ZNF814: variants seen among roughly 807,000 people sequenced by gnomAD.
The protein encoded by ZNF814 is zinc finger protein 814.
Under a neutral mutation model 7.5 loss-of-function variants are expected in ZNF814, and 5 were observed. The ratio of observed to expected loss-of-function variants is 0.67; its 90% CI spans 0.35 to 1.40. ZNF814 has a LOEUF of 1.40. Ranked by LOEUF, ZNF814 falls within the 40% of genes most tolerant of loss-of-function variation. ZNF814 has a pLI of 0.04. For missense variants in ZNF814, 962 were observed against 1,018.0 expected (o/e 0.94, Z 0.75); for synonymous variants, 315 against 340.7 (o/e 0.92, Z 0.83).
chr19:57,880,203 A>G (rs1385561157), intron 1 of ZNF814, among the ~76,000 whole-genome samples: 1 of 132,348 alleles, frequency 7.6e-6, no homozygotes, highest in East Asian at 2.4e-4. Flanking sequence ...TACCAAATGT[A>G]AATCACAATT....
At chr19:57,883,678 C>A (rs1226181770) in intron 1 of ZNF814, among the ~76,000 whole-genome samples, 3 of 145,126 alleles carry the variant, frequency 2.1e-5, no homozygotes, top group South Asian at 4.3e-4. Context: ...AAAAAAAAAT[C>A]AAAATGGATT....
Position 57,873,865 on chromosome 19 carries a change from G to A in ZNF814, c.1525C>T (p.Leu509=). 1 of 1,612,274 alleles carries A rather than the reference G, an allele frequency of 6.2e-7. No individual in the cohort carries two copies. The highest frequency in any genetic ancestry group is 8.5e-7 in the Non-Finnish European group (1 of 1,179,486). The change falls in exon 3 of 3, where the codon CTA becomes TTA. Residue 509 remains leucine (L), a synonymous_variant. Coordinates refer to ENST00000435989, the MANE Select transcript of ZNF814 (RefSeq NM_001144989.2). ...GCTCCAGTGTGAACTCGCTGGTGTA[G>A]AACGAGGTTGCCCTTTTGACTGAAA... The part of the protein sequence containing the change: ...KSFSQKGNLV[L]HQRVHTGARP...
At chr19:57,893,524 C>T (rs977293013), upstream of ZNF814, among the ~76,000 whole-genome samples, 4 of 151,324 alleles carry the variant, frequency 2.6e-5, no homozygotes, top group African/African-American at 9.7e-5. Flanking sequence ...CACCTGTAAT[C>T]CCAGCACTTT....
chr19:57,886,603 G>A (rs1449124340), intron 1 of ZNF814, among the ~76,000 whole-genome samples: 1 of 152,062 alleles, frequency 6.6e-6, no homozygotes, highest in Non-Finnish European at 1.5e-5. Flanking sequence ...AGACGGCCAG[G>A]CACGGTGGTT....
Position 57,874,612 on chromosome 19 carries a change from G to A in ZNF814, c.778C>T (p.His260Tyr). Residue 260 changes from histidine to tyrosine, a missense_variant, in exon 3 of 3, where the codon CAT becomes TAT. Physicochemically the swap from His to Tyr is moderately conservative, Grantham distance 83. Coordinates refer to ENST00000435989, the MANE Select transcript of ZNF814 (RefSeq NM_001144989.2). Reference sequence around the variant, plus strand: ...TTTTTTTCAGTGTGAACTCTCTGATGATTACTCAAGCTAGCATATTTGCTA... The same window carrying A: ...TTTTTTTCAGTGTGAACTCTCTGATAATTACTCAAGCTAGCATATTTGCTA... ...SFSKYASLSN[H>Y]QRVHTEKKHE... 2.6e-6 allele frequency: 4 copies of A among 1,552,980 alleles called. No individual in the cohort carries two copies. Among genetic ancestry groups the A allele is most frequent in the Non-Finnish European group, 3.5e-6 (4 of 1,147,514 alleles).
chr19:57,880,606 T>C (rs1218095950), intron 1 of ZNF814, among the ~76,000 whole-genome samples: 1 of 116,426 alleles, frequency 8.6e-6, no homozygotes, highest in Non-Finnish European at 1.6e-5. Context: ...GAACACCTTT[T>C]TTTTTTCTTT....
chr19:57,870,251 A>ATAAT lies in ZNF814; in HGVS notation c.*2567_*2570dup, dbSNP rs2071546039. 1 of 152,078 alleles carries ATAAT rather than the reference A, an allele frequency of 6.6e-6. No homozygotes were observed. The highest frequency in any genetic ancestry group is 2.4e-5 in the African/African-American group (1 of 41,422). 9.4% of individuals were successfully genotyped at this position (152,078 alleles called of 1,614,324 possible). A position where few individuals can be genotyped will look rare whatever the true frequency, so the allele number is the denominator to read the frequency against. On this transcript the variant is annotated 3_prime_UTR_variant, in exon 3 of 3. Transcript: ENST00000435989. ...AGAGCAAGACTCCGTCTCAAAATAA[A>ATAAT]TAATAATAATAATTAAAAAAATGCA...
intron 1 of ZNF814, among the ~76,000 whole-genome samples, chr19:57,877,668 C>A: frequency 6.6e-6 from 1 of 152,048 alleles, no homozygotes; most frequent in East Asian, 1.9e-4. Flanking sequence ...GTCTCGAACT[C>A]CTGACCTCGT....
chr19:57,900,839 A>ATTTGTTTTTTTTTTTTTTTTTT, the ZNF814 span, among the ~76,000 whole-genome samples: 1 of 45,782 alleles, frequency 2.2e-5, no homozygotes, highest in Non-Finnish European at 3.8e-5. Context: ...CCATGGCTGC[A>ATTTGTTTTTTTTTTTTTTTTTT]TTTTTTTTTT....
Position 57,870,978 on chromosome 19 carries a change from TCAAAAAAAAA to T in ZNF814, c.*1834_*1843del, listed in dbSNP as rs1384075627. 6.8e-6 allele frequency: 1 copy of T among 147,946 alleles called. No individual in the cohort carries two copies. Among genetic ancestry groups the T allele is most frequent in the Non-Finnish European group, 1.5e-5 (1 of 66,994 alleles). The allele number at this position is 147,946 out of a possible 1,614,324, so 9.2% of individuals were successfully genotyped here. A position where few individuals can be genotyped will look rare whatever the true frequency, so the allele number is the denominator to read the frequency against. ...CTGGGCAACAGGGTGAGGCTCTGCC[TCAAAAAAAAA>T]GAAAAAAAAAGAAAAAAAAGACATG... On this transcript the variant is annotated 3_prime_UTR_variant, in exon 3 of 3. Transcript: ENST00000435989.
At chr19:57,878,237 G>A (rs1010996847) in intron 1 of ZNF814, among the ~76,000 whole-genome samples, 2 of 151,246 alleles carry the variant, frequency 1.3e-5, no homozygotes, top group African/African-American at 4.9e-5. Flanking sequence ...ACCACAGAGA[G>A]CCACATGGGG....
intron 1 of ZNF814, among the ~76,000 whole-genome samples, chr19:57,884,805 G>A (rs1250524926): frequency 6.6e-6 from 1 of 152,176 alleles, no homozygotes; most frequent in African/African-American, 2.4e-5. Context: ...TACACTGTTG[G>A]TGGGAATGGA....
the ZNF814 span, among the ~76,000 whole-genome samples, chr19:57,902,550 A>G: frequency 2.0e-4 from 30 of 150,884 alleles, no homozygotes; most frequent in Non-Finnish European, 3.3e-4. Context: ...TAATAAGTAT[A>G]AAGGGGAGGG....
At chr19:57,898,901 C>CT in the ZNF814 span, among the ~76,000 whole-genome samples, 1 of 147,212 alleles carries the variant, frequency 6.8e-6, no homozygotes, top group Non-Finnish European at 1.5e-5. Context: ...GATCGTGCCA[C>CT]TGCACTCCAG....
intron 1 of ZNF814, among the ~76,000 whole-genome samples, chr19:57,879,593 C>G (rs928587950): frequency 6.7e-6 from 1 of 148,180 alleles, no homozygotes; most frequent in African/African-American, 2.5e-5. Flanking sequence ...GGCTAACGCA[C>G]CTTAGTCCAC....
chr19:57,901,676 G>C, the ZNF814 span: 2 of 355,096 alleles, frequency 5.6e-6, no homozygotes, highest in Admixed American at 1.2e-4. Context: ...CCTCCAACAT[G>C]GGGACAAATC....
the ZNF814 span, among the ~76,000 whole-genome samples, chr19:57,898,865 G>C: frequency 6.6e-6 from 1 of 151,718 alleles, no homozygotes; most frequent in Non-Finnish European, 1.5e-5. Flanking sequence ...GGCTGAACCA[G>C]GGAGGCGGAG....
intron 2 of ZNF814, among the ~76,000 whole-genome samples, chr19:57,875,939 G>A (rs1389780859): frequency 4.0e-5 from 5 of 124,938 alleles, no homozygotes; most frequent in Admixed American, 2.8e-4. Flanking sequence ...CCTCCAGGGT[G>A]CCGCTTTTTT....
the ZNF814 span, among the ~76,000 whole-genome samples, chr19:57,905,006 C>T: frequency 3.0e-5 from 4 of 135,318 alleles, 1 homozygote; most frequent in African/African-American, 1.1e-4. Flanking sequence ...AAGATTGTGC[C>T]ATTGCACTCC....
Sources: allele counts gnomAD v4.1 joint callset (sites outside exome capture counted in the v4.1 genomes callset), GRCh38; gene constraint gnomAD v4.1.1; transcripts MANE v1.5; gene names NCBI Gene and HGNC (gene_info 2026-07-23, HGNC 2026-07-21).